Variants in HIPK2 observed in about 807,000 individuals in gnomAD.
HIPK2 encodes the protein homeodomain interacting protein kinase 2.
In HIPK2, 27 loss-of-function variants were observed where a neutral mutation model predicts 113.7. That is an observed-to-expected ratio of 0.24 (90% CI 0.17 to 0.33). The LOEUF (loss-of-function observed/expected upper bound fraction) is 0.33, where lower values mean the gene tolerates loss of function less well. Ranked by LOEUF, HIPK2 falls within the 10% of genes least tolerant of loss-of-function variation. HIPK2 has a pLI of 1.00. For missense variants in HIPK2, 1,257 were observed against 1,588.0 expected, an observed-to-expected ratio of 0.79 and a Z score of 3.54; for synonymous variants, 631 against 642.2, an observed-to-expected ratio of 0.98 and a Z score of 0.26.
intron 10 of HIPK2, among the ~76,000 whole-genome samples, chr7:139,603,218 G>C (rs1245384040): frequency 3.9e-5 from 6 of 152,290 alleles, no homozygotes; most frequent in African/African-American, 1.4e-4. Context: ...GTGATATGGA[G>C]GCTGTCAGGG....
In HIPK2 at chr7:139,570,536, G is replaced by A. The variant is rs939700134; in HGVS notation, c.*2391C>T. 1 of 152,242 alleles carries A rather than the reference G, an allele frequency of 6.6e-6. No individual in the cohort carries two copies. Among genetic ancestry groups the A allele is most frequent in the Non-Finnish European group, 1.5e-5 (1 of 68,052 alleles). 9.4% of individuals were successfully genotyped at this position (152,242 alleles called of 1,614,324 possible). On this transcript the variant is annotated 3_prime_UTR_variant, in exon 15 of 15. Transcript: ENST00000406875. Reference sequence around the variant, plus strand: ...TCATGGTGTCCTTCCTTCTCGCTGAGGCCTGGACTAAGCTGTTTCCAGTTT... The same window carrying A: ...TCATGGTGTCCTTCCTTCTCGCTGAAGCCTGGACTAAGCTGTTTCCAGTTT...
intron 2 of HIPK2, among the ~76,000 whole-genome samples, chr7:139,641,726 A>G (rs1801031535): frequency 6.6e-6 from 1 of 152,182 alleles, no homozygotes; most frequent in South Asian, 2.1e-4. Flanking sequence ...GGTTCAGGGT[A>G]TAGTCCCTTG....
chr7:139,753,694 T>G (rs1055978614), intron 1 of HIPK2, among the ~76,000 whole-genome samples: 3 of 152,172 alleles, frequency 2.0e-5, no homozygotes, highest in African/African-American at 7.2e-5. Context: ...CTCTGAACAC[T>G]TCTGAAAATG....
At chr7:139,775,305 A>C (rs769533580) in intron 1 of HIPK2, among the ~76,000 whole-genome samples, 4 of 152,124 alleles carry the variant, frequency 2.6e-5, no homozygotes, top group Non-Finnish European at 5.9e-5. Context: ...GGAGGTCATC[A>C]GAGTCTTGGC....
chr7:139,677,185 ATGTG>A (rs1304900545), intron 2 of HIPK2, among the ~76,000 whole-genome samples: 1 of 148,838 alleles, frequency 6.7e-6, no homozygotes, highest in African/African-American at 2.6e-5. Flanking sequence ...CTAATGTGGG[ATGTG>A]TGTGTATGTG....
chr7:139,626,181 C>T (rs1054065062), intron 6 of HIPK2, among the ~76,000 whole-genome samples: 2 of 151,548 alleles, frequency 1.3e-5, no homozygotes, highest in African/African-American at 4.9e-5. Context: ...CGGCTCACTG[C>T]AACCTCTGCT....
chr7:139,619,230 G>A (rs1360953224), intron 7 of HIPK2, among the ~76,000 whole-genome samples: 1 of 152,182 alleles, frequency 6.6e-6, no homozygotes, highest in Non-Finnish European at 1.5e-5. Flanking sequence ...TTCAGTGACA[G>A]GAGGGACCTT....
chr7:139,742,388 C>T (rs983508363), intron 1 of HIPK2, among the ~76,000 whole-genome samples: 58 of 152,118 alleles, frequency 3.8e-4, no homozygotes, highest in African/African-American at 1.2e-3. Flanking sequence ...TCAAATAAAG[C>T]GGTTTTCTTT....
intron 2 of HIPK2, among the ~76,000 whole-genome samples, chr7:139,684,001 T>A (rs180899277): frequency 1.1e-4 from 16 of 152,026 alleles, no homozygotes; most frequent in Middle Eastern, 3.4e-3. Flanking sequence ...CAACCGTGCA[T>A]CGAGCCGGTC....
chr7:139,705,377 T>TC (rs1193710825), intron 2 of HIPK2, among the ~76,000 whole-genome samples: 59 of 150,184 alleles, frequency 3.9e-4, no homozygotes, highest in African/African-American at 1.3e-3. Context: ...GCTAGTAGTT[T>TC]CCCCCTTTTT....
chr7:139,707,800 C>T (rs1794946366), intron 2 of HIPK2, among the ~76,000 whole-genome samples: 1 of 152,232 alleles, frequency 6.6e-6, no homozygotes, highest in South Asian at 2.1e-4. Flanking sequence ...GAGAGTTCAG[C>T]AGCTCCTTGG....
Position 139,631,249 on chromosome 7 carries a change from A to G in HIPK2, c.1263T>C (p.Ala421=). ...RYISQTQGLP[A]EYLLSAGTKT... ...TTGTCCCGGCGCTTAATAAATATTC[A>G]GCAGGCAAACCCTGTGTTTGTGAAA... Residue 421 remains alanine, a synonymous_variant, in exon 4 of 15, where the codon GCT becomes GCC. Transcript: ENST00000406875. This position sits in a 1 kb window ranked among gnomAD's most constrained non-coding sequence, Gnocchi z 4.9. The G allele has an allele frequency of 1.2e-6, 2 of 1,613,680 alleles. No individual in the cohort carries two copies. Among genetic ancestry groups the G allele is most frequent in the South Asian group, 1.1e-5 (1 of 90,920 alleles).
intron 2 of HIPK2, among the ~76,000 whole-genome samples, chr7:139,679,525 C>A (rs1157792669): frequency 2.0e-5 from 3 of 152,158 alleles, no homozygotes; most frequent in African/African-American, 7.2e-5. Context: ...TTAAATTAAA[C>A]AACCTATCGA....
At chr7:139,573,872 G>C (rs901099983) in intron 14 of HIPK2, among the ~76,000 whole-genome samples, 1 of 151,912 alleles carries the variant, frequency 6.6e-6, no homozygotes, top group South Asian at 2.1e-4. Context: ...AATTTACTTG[G>C]ACTGAGAAAA....
chr7:139,648,789 GT>G (rs112363903), intron 2 of HIPK2, among the ~76,000 whole-genome samples: 27 of 148,528 alleles, frequency 1.8e-4, no homozygotes, highest in Admixed American at 3.4e-4. Context: ...GGTGCTGCGG[GT>G]TTTTTTTTTC....
At chr7:139,675,115 C>A (rs1802452545) in intron 2 of HIPK2, among the ~76,000 whole-genome samples, 1 of 152,140 alleles carries the variant, frequency 6.6e-6, no homozygotes, top group Admixed American at 6.5e-5. Context: ...TGCATCAGAC[C>A]AACAGAAGCT....
At position 139,608,252 on chromosome 7, in the gene HIPK2, C is replaced by CGTGTGTGTGTGTGT. The variant is rs55989071; in HGVS notation, c.2113-4043_2113-4030dup. Reference sequence around the variant, plus strand: ...AGCAAGGCTATGTCTCAAAAAAATACGTGTGTGTGTGTGTGTGTGTGTGTG... The same window carrying CGTGTGTGTGTGTGT: ...AGCAAGGCTATGTCTCAAAAAAATACGTGTGTGTGTGTGTGTGTGTGTGTGTGTGTGTGTGTGTG... On this transcript the variant is annotated intron_variant, in intron 9 of 14. Coordinates refer to ENST00000406875, the MANE Select transcript of HIPK2 (RefSeq NM_022740.5). Among the ~76,000 whole-genome samples, 602 of 136,966 alleles carry CGTGTGTGTGTGTGT rather than the reference C, an allele frequency of 4.4e-3. 2 individuals are homozygous for CGTGTGTGTGTGTGT. The highest frequency in any genetic ancestry group is 7.0e-3 in the Non-Finnish European group (452 of 64,676). 89.9% of individuals were successfully genotyped at this position (136,966 alleles called of 152,430 possible).
At chr7:139,758,907 C>A (rs1166215738) in intron 1 of HIPK2, among the ~76,000 whole-genome samples, 1 of 152,038 alleles carries the variant, frequency 6.6e-6, no homozygotes, top group African/African-American at 2.4e-5. Flanking sequence ...ATGAGACAGG[C>A]AAAGCCTCTC....
chr7:139,658,228 C>T (rs554745535), intron 2 of HIPK2, among the ~76,000 whole-genome samples: 30 of 151,822 alleles, frequency 2.0e-4, no homozygotes, highest in Non-Finnish European at 3.4e-4. Context: ...ATCACTTGAA[C>T]CCAGGAGGCG....
Sources: gnomAD v4.1 joint callset for allele counts (sites outside exome capture counted in the v4.1 genomes callset) on GRCh38, gnomAD v4.1.1 for gene constraint, Gnocchi (gnomAD v3.1) non-coding constraint, MANE v1.5 for transcripts, NCBI Gene and HGNC (gene_info 2026-07-23, HGNC 2026-07-21) for gene names.